Variants in CFAP299 observed in about 807,000 individuals in gnomAD.
CFAP299 encodes the protein cilia and flagella associated protein 299.
In CFAP299, 21 loss-of-function variants were observed where a neutral mutation model predicts 27.0. The ratio of observed to expected loss-of-function variants is 0.78; its 90% confidence interval spans 0.55 to 1.12. The LOEUF (loss-of-function observed/expected upper bound fraction) is 1.12. Among genes scored for constraint, CFAP299 ranks in the 50% most tolerant of loss-of-function variants. CFAP299 has a pLI of 0.00. For synonymous variants in CFAP299, 104 were observed against 98.1 expected (o/e 1.06, Z -0.36); for missense variants, 310 against 276.6 (o/e 1.12, Z -0.86).
intron 4 of CFAP299, among the ~76,000 whole-genome samples, chr4:80,898,824 A>G (rs1734741123): frequency 6.6e-6 from 1 of 152,192 alleles, no homozygotes; most frequent in Non-Finnish European, 1.5e-5. Context: ...TTTTTTAGGT[A>G]ATTTCCAGGA....
At chr4:80,609,035 A>G (rs1737829507) in intron 3 of CFAP299, among the ~76,000 whole-genome samples, 1 of 152,208 alleles carries the variant, frequency 6.6e-6, no homozygotes, top group Admixed American at 6.6e-5. Flanking sequence ...TTATATTCAC[A>G]TAGTGTTTGA....
chr4:80,577,397 ATTTTTTTTTTTTTTTTTT>A (rs34922224), intron 2 of CFAP299, among the ~76,000 whole-genome samples: 1 of 98,824 alleles, frequency 1.0e-5, no homozygotes, highest in South Asian at 3.5e-4. Context: ...ATTAGAAAAC[ATTTTTTTTTTTTTTTTTT>A]TTTTTTGAGA....
intron 3 of CFAP299, among the ~76,000 whole-genome samples, chr4:80,793,099 A>ATGTGTG (rs149555055): frequency 0.018 from 2,559 of 145,214 alleles, 50 homozygotes; most frequent in Admixed American, 0.053. Flanking sequence ...CCTATTAGTT[A>ATGTGTG]TGTGTGTGTG....
chr4:80,487,859 A>G (rs1031562868), intron 2 of CFAP299, among the ~76,000 whole-genome samples: 3 of 152,176 alleles, frequency 2.0e-5, no homozygotes, highest in African/African-American at 7.2e-5. Context: ...CTTCTCTCAC[A>G]TTGTTCTGCT....
At chr4:80,829,389 C>T (rs940220342) in intron 3 of CFAP299, among the ~76,000 whole-genome samples, 14 of 152,068 alleles carry the variant, frequency 9.2e-5, no homozygotes, top group African/African-American at 3.4e-4. Context: ...ATAATTTTCA[C>T]CCATTAGGAT....
chr4:80,762,660 T>A (rs961127583), intron 3 of CFAP299, among the ~76,000 whole-genome samples: 9 of 152,150 alleles, frequency 5.9e-5, no homozygotes, highest in Admixed American at 5.2e-4. Context: ...TATATCCCCT[T>A]CCAGGAATAA....
At chr4:80,696,020 G>A (rs1721065827) in intron 3 of CFAP299, among the ~76,000 whole-genome samples, 1 of 152,024 alleles carries the variant, frequency 6.6e-6, no homozygotes, top group African/African-American at 2.4e-5. Context: ...GAGAAGTAGA[G>A]GCCGGGTGTG....
chr4:80,684,725 A>G (rs1309319642), intron 3 of CFAP299, among the ~76,000 whole-genome samples: 2 of 152,018 alleles, frequency 1.3e-5, no homozygotes, highest in Non-Finnish European at 2.9e-5. Flanking sequence ...TTTAACCACT[A>G]TTTGCCAGAA....
intron 3 of CFAP299, among the ~76,000 whole-genome samples, chr4:80,633,292 C>A (rs1322166660): frequency 1.3e-5 from 2 of 151,902 alleles, no homozygotes; most frequent in Non-Finnish European, 1.5e-5. Context: ...ACTAAAAATA[C>A]AAAATTAGCC....
At chr4:80,870,198 T>C (rs1030278484) in intron 4 of CFAP299, 63 bp downstream of exon 4, 1 of 1,500,778 alleles carries the variant, frequency 6.7e-7, no homozygotes, top group South Asian at 1.4e-5. Context: ...TTTTATGGTC[T>C]ACATTGTGCC....
intron 3 of CFAP299, among the ~76,000 whole-genome samples, chr4:80,842,693 GAT>G (rs1343557430): frequency 6.6e-6 from 1 of 152,050 alleles, no homozygotes; most frequent in Admixed American, 6.6e-5. Context: ...TAAGACTCAG[GAT>G]TACCTTTGGC....
At chr4:80,622,776 C>A (rs1489302781) in intron 3 of CFAP299, among the ~76,000 whole-genome samples, 1 of 152,120 alleles carries the variant, frequency 6.6e-6, no homozygotes, top group East Asian at 1.9e-4. Flanking sequence ...TCTACAGCTG[C>A]AGTCCACTAG....
intron 3 of CFAP299, among the ~76,000 whole-genome samples, chr4:80,701,512 T>C (rs539452263): frequency 6.6e-6 from 1 of 152,118 alleles, no homozygotes; most frequent in African/African-American, 2.4e-5. Flanking sequence ...GTAATAATCC[T>C]TTTTTTCTTA....
chr4:80,623,405 G>T (rs989208343), intron 3 of CFAP299, among the ~76,000 whole-genome samples: 4 of 152,050 alleles, frequency 2.6e-5, no homozygotes, highest in Non-Finnish European at 5.9e-5. Context: ...AAAATAATTA[G>T]ACATGTATAG....
intron 2 of CFAP299, among the ~76,000 whole-genome samples, chr4:80,541,368 G>T (rs1279762267): frequency 6.6e-6 from 1 of 152,032 alleles, no homozygotes; most frequent in Non-Finnish European, 1.5e-5. Flanking sequence ...AGAAACAGAT[G>T]GGTTACTTCA....
At chr4:80,958,521 T>A (rs1285923169) in intron 5 of CFAP299, among the ~76,000 whole-genome samples, 1 of 152,192 alleles carries the variant, frequency 6.6e-6, no homozygotes, top group Non-Finnish European at 1.5e-5. Flanking sequence ...CCTTCCATTT[T>A]ATAAAGTAGA....
chr4:80,870,229 A>G, intron 4 of CFAP299, 94 bp downstream of exon 4: 1 of 1,404,698 alleles, frequency 7.1e-7, no homozygotes, highest in Non-Finnish European at 9.4e-7. Flanking sequence ...ATGTATATAT[A>G]ACAGGAATGT....
At chr4:80,798,471 G>T (rs1381109026) in intron 3 of CFAP299, among the ~76,000 whole-genome samples, 2 of 152,120 alleles carry the variant, frequency 1.3e-5, no homozygotes, top group Non-Finnish European at 2.9e-5. Flanking sequence ...CCCATTCCAT[G>T]TTGGAGGATC....
intron 3 of CFAP299, among the ~76,000 whole-genome samples, chr4:80,607,155 A>G (rs751886749): frequency 5.9e-5 from 9 of 152,180 alleles, no homozygotes; most frequent in South Asian, 2.1e-4. Context: ...TGAACATTTT[A>G]TGTCTTTCAG....
Sources: gnomAD v4.1 joint callset for allele counts (sites outside exome capture counted in the v4.1 genomes callset) on GRCh38, gnomAD v4.1.1 for gene constraint, MANE v1.5 for transcripts, NCBI Gene and HGNC (gene_info 2026-07-23, HGNC 2026-07-21) for gene names.